Variants in RBM6 observed in about 807,000 individuals in gnomAD.
RBM6 encodes the protein RNA binding motif protein 6, also known as RNA-binding protein 6.
Under a neutral mutation model 140.4 loss-of-function variants are expected in RBM6, and 23 were observed. The ratio of observed to expected loss-of-function variants is 0.16; its 90% CI spans 0.12 to 0.23. The LOEUF (loss-of-function observed/expected upper bound fraction) is 0.23, where lower values mean the gene tolerates loss of function less well. Ranked by LOEUF, RBM6 falls within the 10% of genes least tolerant of loss-of-function variation. The probability of loss-of-function intolerance (pLI) is 1.00; values close to 1 mark genes in which losing one functional copy is unlikely to be tolerated. For synonymous variants in RBM6, 439 were observed against 475.6 expected (o/e 0.92, Z 1.00); for missense variants, 1,139 against 1,386.7 (o/e 0.82, Z 2.84).
At chr3:49,940,499 A>C (rs1010294618) in intron 1 of RBM6, 9 of 155,050 alleles carry the variant, frequency 5.8e-5, no homozygotes, top group Non-Finnish European at 7.3e-5. Flanking sequence ...GCCAGCTGTG[A>C]GGCTGGGGCC....
At chr3:50,008,525 T>A (rs1261913622) in intron 6 of RBM6, among the ~76,000 whole-genome samples, 1 of 151,434 alleles carries the variant, frequency 6.6e-6, no homozygotes, top group Non-Finnish European at 1.5e-5. Context: ...CCAGCTTCAT[T>A]ACCTCCTGGC....
intron 2 of RBM6, 31 bp downstream of exon 2, chr3:49,962,716 C>T: frequency 6.6e-7 from 1 of 1,525,992 alleles, no homozygotes; most frequent in East Asian, 2.4e-5. Flanking sequence ...ATTGAAATTG[C>T]CAGTATTTTA....
intron 19 of RBM6, among the ~76,000 whole-genome samples, chr3:50,071,118 C>T (rs1031637063): frequency 5.9e-5 from 9 of 152,122 alleles, no homozygotes; most frequent in African/African-American, 1.9e-4. Context: ...GGTGATGGTG[C>T]GTCTCATAGG....
In RBM6 at chr3:50,057,286, T is replaced by C. The variant is rs139133389; in HGVS notation, c.1694-442T>C. Among the ~76,000 whole-genome samples the C allele has an allele frequency of 1.2e-4, 18 of 152,316 alleles. No homozygotes were observed. The East Asian group carries it at 2.3e-3, about 20-fold the overall frequency. Reference sequence around the variant, plus strand: ...GACTTTTTATTAGATATTTCTGAGATAATATTAAAAGCATTCCAGGCCGGG... The same window carrying C: ...GACTTTTTATTAGATATTTCTGAGACAATATTAAAAGCATTCCAGGCCGGG... On this transcript the variant is annotated intron_variant, in intron 8 of 20. Coordinates refer to ENST00000266022, the MANE Select transcript of RBM6 (RefSeq NM_005777.3).
At chr3:50,042,940 C>T (rs1213874773) in intron 6 of RBM6, among the ~76,000 whole-genome samples, 1 of 152,030 alleles carries the variant, frequency 6.6e-6, no homozygotes, top group African/African-American at 2.4e-5. Context: ...CCTCCAGACC[C>T]AGAGTTTGCT....
chr3:49,958,129 T>TAA (rs1466777438), intron 1 of RBM6, among the ~76,000 whole-genome samples: 1 of 152,200 alleles, frequency 6.6e-6, no homozygotes, highest in Non-Finnish European at 1.5e-5. Flanking sequence ...GTCTAGCTTT[T>TAA]AAAAATTCAT....
At chr3:49,974,347 T>C (rs1194761033) in intron 4 of RBM6, among the ~76,000 whole-genome samples, 1 of 151,548 alleles carries the variant, frequency 6.6e-6, no homozygotes, top group African/African-American at 2.4e-5. Context: ...GCTGGGATTA[T>C]AGGTGTGAGC....
Position 50,061,167 on chromosome 3 carries a change from G to A in RBM6, c.2299G>A (p.Gly767Arg). ...TAAAAAATATTTCCGAGATAGGAGG[G>A]GAGGTGGCAGAAATTCAGACTGGTC... ...QGKKYFRDRR[G>R]GGRNSDWSSD... is the part of the protein sequence containing the mutation. The change falls in exon 13 of 21, where the codon GGA becomes AGA. Residue 767 changes from glycine (G) to arginine (R), a missense_variant. This residue lies in a region of RBM6 where 163 missense variants were observed against 182.8 expected (regional missense o/e 0.89). Coordinates refer to ENST00000266022, the MANE Select transcript of RBM6 (RefSeq NM_005777.3). 6.2e-7 allele frequency: 1 copy of A among 1,614,168 alleles called. No homozygotes were observed. Among genetic ancestry groups the A allele is most frequent in the Non-Finnish European group, 8.5e-7 (1 of 1,180,020 alleles).
At position 49,967,728 on chromosome 3, in the gene RBM6, G is replaced by A. The variant is rs1248525962; in HGVS notation, c.303G>A (p.Ser101=). Residue 101 remains serine (S), a synonymous_variant, in exon 3 of 21, where the codon TCG becomes TCA. Coordinates refer to ENST00000266022, the MANE Select transcript of RBM6 (RefSeq NM_005777.3). The surrounding 1 kb of genome is among the most constrained non-coding windows in gnomAD (Gnocchi z 4.0). The stretch of plus-strand genomic sequence containing the variant: ...ATGATTTCAGGGGGGGAGATTTTTC[G>A]TCTTCTGATTTCCAGAGCAGAGATT... ...PGHDFRGGDF[S]SSDFQSRDSS... The A allele has an allele frequency of 1.1e-5, 18 of 1,613,996 alleles. No individual in the cohort carries two copies. In the Admixed American group the frequency reaches 1.8e-4, roughly 16 times the overall value.
At position 50,062,020 on chromosome 3, in the gene RBM6, A is replaced by G. The variant is rs2089961650; in HGVS notation, c.2498A>G (p.Lys833Arg). Residue 833 changes from lysine (K) to arginine (R), a missense_variant, in exon 15 of 21, where the codon AAA becomes AGA. This residue lies in a region of RBM6 where 163 missense variants were observed against 182.8 expected (regional missense o/e 0.89). Transcript: ENST00000266022. ...GLPEEEEIKE[K>R]KPTSQGKSSS... The stretch of plus-strand genomic sequence containing the variant: ...CCTGAGGAAGAAGAGATCAAGGAAA[A>G]AAAACCCACCAGTCAAGGAAAGTCA... The G allele has an allele frequency of 1.4e-5, 23 of 1,614,094 alleles. No individual in the cohort carries two copies. The highest frequency in any genetic ancestry group is 2.2e-5 in the East Asian group (1 of 44,876).
intron 6 of RBM6, among the ~76,000 whole-genome samples, chr3:50,032,435 G>A (rs2088226061): frequency 6.7e-6 from 1 of 150,204 alleles, no homozygotes. Flanking sequence ...AGTGAGCGAA[G>A]GTCGTGCCAT....
Position 49,975,355 on chromosome 3 carries a change from G to T in RBM6, c.1446G>T (p.Met482Ile). Residue 482 changes from methionine (M) to isoleucine (I), a missense_variant, in exon 5 of 21, where the codon ATG becomes ATT. This residue lies in a region of RBM6 where 566 missense variants were observed against 612.7 expected (regional missense o/e 0.92). Transcript: ENST00000266022. ...ATGCTTTTCGGACTCCTGATGGCAT[G>T]CCTGTAAAGAACTTGCAGTTGAAGG... is the stretch of plus-strand genomic sequence containing the variant. ...ILNAFRTPDG[M>I]PVKNLQLKEY... 6.2e-7 allele frequency: 1 copy of T among 1,613,934 alleles called. No homozygotes were observed. The highest frequency in any genetic ancestry group is 8.5e-7 in the Non-Finnish European group (1 of 1,179,790).
At chr3:50,074,029 C>G (rs2108958870) in intron 19 of RBM6, among the ~76,000 whole-genome samples, 1 of 152,144 alleles carries the variant, frequency 6.6e-6, no homozygotes, top group East Asian at 1.9e-4. Flanking sequence ...GGGGTTTCAC[C>G]TGTTGGTCAG....
intron 7 of RBM6, among the ~76,000 whole-genome samples, chr3:50,050,083 C>T (rs1432132208): frequency 2.6e-5 from 4 of 151,816 alleles, no homozygotes; most frequent in Non-Finnish European, 5.9e-5. Context: ...CTCACTGTAC[C>T]CTTGACCTCC....
At chr3:49,945,129 C>T (rs907680092) in intron 1 of RBM6, among the ~76,000 whole-genome samples, 1 of 151,062 alleles carries the variant, frequency 6.6e-6, no homozygotes, top group East Asian at 2.0e-4. Flanking sequence ...CCCGCCTTGG[C>T]CTCCCAAAGT....
In RBM6 at chr3:49,975,293, A is replaced by G. The variant is rs143373752; in HGVS notation, c.1414-30A>G. ...TATTCAGTGTTTGATTATGATTTGT[A>G]TCATTTGTATAAATGCCATATTTTT... is the stretch of plus-strand genomic sequence containing the variant. On this transcript the variant is annotated intron_variant, in intron 4 of 20. Transcript: ENST00000266022. 937 of 1,525,608 alleles carry G rather than the reference A, an allele frequency of 6.1e-4. 9 individuals carry two copies. In the African/African-American group the frequency reaches 0.012, roughly 19 times the overall value. The allele number at this position is 1,525,608 out of a possible 1,614,324, so 94.5% of individuals were successfully genotyped here.
At chr3:50,031,709 A>C (rs1358031780) in intron 6 of RBM6, among the ~76,000 whole-genome samples, 2 of 152,138 alleles carry the variant, frequency 1.3e-5, no homozygotes, top group Non-Finnish European at 2.9e-5. Flanking sequence ...TGCACCATGT[A>C]CCCTAGAACT....
intron 1 of RBM6, among the ~76,000 whole-genome samples, chr3:49,952,458 C>T (rs912992112): frequency 1.3e-5 from 2 of 151,814 alleles, no homozygotes; most frequent in Non-Finnish European, 2.9e-5. Context: ...GAGCACTGTG[C>T]CCAGCCACTT....
chr3:49,973,613 TCTCA>T (rs2084903994), intron 4 of RBM6, among the ~76,000 whole-genome samples: 1 of 139,546 alleles, frequency 7.2e-6, no homozygotes, highest in African/African-American at 2.7e-5. Flanking sequence ...TGAGACAGAG[TCTCA>T]CTCTGTCACC....
Sources: allele counts gnomAD v4.1 joint callset (sites outside exome capture counted in the v4.1 genomes callset), GRCh38; gene constraint gnomAD v4.1.1; regional missense constraint gnomAD v4.1.1; non-coding constraint Gnocchi (gnomAD v3.1); transcripts MANE v1.5; gene names NCBI Gene and HGNC (gene_info 2026-07-23, HGNC 2026-07-21).